Variants in CTNNA3 observed in about 807,000 individuals in gnomAD.
The protein encoded by CTNNA3 is catenin alpha-3.
CTNNA3 carries 76 observed loss-of-function variants against 95.7 expected under a neutral mutation model. The observed-to-expected ratio is 0.79, with a 90% CI of 0.66 to 0.96. The LOEUF is 0.96. Among genes scored for constraint, CTNNA3 ranks in the 40% least tolerant of loss-of-function variants. The probability of loss-of-function intolerance (pLI) is 0.00; values close to 1 mark genes in which losing one functional copy is unlikely to be tolerated. For missense variants in CTNNA3, 1,191 were observed against 1,089.8 expected, an observed-to-expected ratio of 1.09 and a Z score of -1.31; for synonymous variants, 431 against 374.4, an observed-to-expected ratio of 1.15 and a Z score of -1.74.
chr10:66,977,768 T>C (rs1241988245), intron 7 of CTNNA3, among the ~76,000 whole-genome samples: 6 of 152,166 alleles, frequency 3.9e-5, no homozygotes, highest in African/African-American at 1.4e-4. Context: ...CTTTTCTGAG[T>C]TGGGTGGATA....
At chr10:67,377,164 G>T (rs1843724100) in intron 5 of CTNNA3, among the ~76,000 whole-genome samples, 1 of 152,134 alleles carries the variant, frequency 6.6e-6, no homozygotes, top group Non-Finnish European at 1.5e-5. Context: ...TAAACTTTAT[G>T]TAATCCACAG....
At chr10:67,347,548 G>A (rs976348283) in intron 5 of CTNNA3, among the ~76,000 whole-genome samples, 1 of 152,124 alleles carries the variant, frequency 6.6e-6, no homozygotes, top group Admixed American at 6.5e-5. Context: ...ATATGTTGAT[G>A]AATGAAACAA....
intron 13 of CTNNA3, among the ~76,000 whole-genome samples, chr10:66,261,508 C>G (rs1247909421): frequency 6.6e-6 from 1 of 151,786 alleles, no homozygotes; most frequent in African/African-American, 2.4e-5. Context: ...ATTAATATAA[C>G]GTGTTTTGCT....
At chr10:66,574,536 G>C (rs1409322812) in intron 10 of CTNNA3, among the ~76,000 whole-genome samples, 1 of 152,090 alleles carries the variant, frequency 6.6e-6, no homozygotes, top group Non-Finnish European at 1.5e-5. Flanking sequence ...TTTTGGTTGA[G>C]TTGTAAATCA....
chr10:67,235,507 ATC>A (rs1865411725), intron 5 of CTNNA3, among the ~76,000 whole-genome samples: 3 of 150,824 alleles, frequency 2.0e-5, no homozygotes, highest in African/African-American at 7.3e-5. Flanking sequence ...TTATACAAAA[ATC>A]AATTCAAGAT....
At chr10:66,948,571 A>T (rs531846355) in intron 7 of CTNNA3, among the ~76,000 whole-genome samples, 1 of 152,322 alleles carries the variant, frequency 6.6e-6, no homozygotes, top group South Asian at 2.1e-4. Context: ...TCTAAGAGTC[A>T]TTGATTTATG....
chr10:66,668,422 A>ATATGTGTG (rs1554832734), intron 9 of CTNNA3, among the ~76,000 whole-genome samples: 6,234 of 146,922 alleles, frequency 0.042, 187 homozygotes, highest in African/African-American at 0.088. Context: ...CAACTCTCAT[A>ATATGTGTG]TGTGTGTGTG....
intron 5 of CTNNA3, among the ~76,000 whole-genome samples, chr10:67,483,977 T>C (rs1004096654): frequency 2.3e-4 from 35 of 152,098 alleles, no homozygotes; most frequent in African/African-American, 7.5e-4. Flanking sequence ...AAAAAGAGTA[T>C]TCTAAAGTTC....
intron 11 of CTNNA3, among the ~76,000 whole-genome samples, chr10:66,436,878 A>G (rs11497934): frequency 0.12 from 17,824 of 152,040 alleles, 1,515 homozygotes; most frequent in African/African-American, 0.24. Flanking sequence ...TGTAAGGCAG[A>G]CCTGGTGGTG....
chr10:66,416,892 A>C (rs1200821368), intron 11 of CTNNA3, among the ~76,000 whole-genome samples: 1 of 152,048 alleles, frequency 6.6e-6, no homozygotes, highest in African/African-American at 2.4e-5. Context: ...CAAACATACA[A>C]ATGTGGAAAA....
chr10:67,298,508 CT>C (rs1359677826), intron 5 of CTNNA3, among the ~76,000 whole-genome samples: 1 of 152,210 alleles, frequency 6.6e-6, no homozygotes, highest in African/African-American at 2.4e-5. Context: ...TCTAAAGTTA[CT>C]ATAGTACTTG....
intron 7 of CTNNA3, among the ~76,000 whole-genome samples, chr10:66,991,460 G>A (rs1316524932): frequency 1.3e-5 from 2 of 152,026 alleles, no homozygotes; most frequent in Non-Finnish European, 2.9e-5. Flanking sequence ...TATTTATTTT[G>A]ATTTTTGAAG....
intron 11 of CTNNA3, among the ~76,000 whole-genome samples, chr10:66,404,156 C>T (rs1339715427): frequency 1.3e-5 from 2 of 152,086 alleles, no homozygotes; most frequent in African/African-American, 4.8e-5. Flanking sequence ...TGTGGCCTCA[C>T]TCAGAGGCAG....
At chr10:66,393,812 A>C (rs1426133355) in intron 11 of CTNNA3, among the ~76,000 whole-genome samples, 2 of 152,068 alleles carry the variant, frequency 1.3e-5, no homozygotes, top group Non-Finnish European at 2.9e-5. Context: ...TTGGAGCAAA[A>C]TAGAGCCTTT....
intron 13 of CTNNA3, among the ~76,000 whole-genome samples, chr10:66,240,048 A>G (rs533127833): frequency 6.6e-6 from 1 of 152,158 alleles, no homozygotes; most frequent in African/African-American, 2.4e-5. Flanking sequence ...ATAGATATCC[A>G]TAAGTGTTAA....
intron 1 of CTNNA3, among the ~76,000 whole-genome samples, chr10:67,762,229 A>G (rs1841465708): frequency 6.6e-6 from 1 of 151,750 alleles, no homozygotes; most frequent in Non-Finnish European, 1.5e-5. Context: ...TTAAAAGCCT[A>G]CATTAACTCA....
chr10:67,754,913 C>T (rs1841424983), intron 1 of CTNNA3, among the ~76,000 whole-genome samples: 1 of 152,096 alleles, frequency 6.6e-6, no homozygotes, highest in East Asian at 1.9e-4. Flanking sequence ...AGAATACATA[C>T]ATGGCTGGAC....
intron 7 of CTNNA3, chr10:67,098,668 G>C (rs1858156347): frequency 6.6e-6 from 1 of 152,302 alleles, no homozygotes; most frequent in African/African-American, 2.4e-5. Flanking sequence ...GGAAACAAAG[G>C]CTGTAACCAC....
intron 5 of CTNNA3, among the ~76,000 whole-genome samples, chr10:67,441,671 T>A (rs1564652257): frequency 6.6e-6 from 1 of 152,090 alleles, no homozygotes. Flanking sequence ...TCTAAAGTGC[T>A]GAAGGAAAAA....
Sources: gnomAD v4.1 joint callset for allele counts (sites outside exome capture counted in the v4.1 genomes callset) on GRCh38, gnomAD v4.1.1 for gene constraint, MANE v1.5 for transcripts, NCBI Gene and HGNC (gene_info 2026-07-23, HGNC 2026-07-21) for gene names.